SDHC: variants seen among roughly 807,000 people sequenced by gnomAD.
SDHC encodes succinate dehydrogenase cytochrome b560 subunit, mitochondrial.
A neutral mutation model predicts 22.6 loss-of-function variants in SDHC; 11 were observed. That is an observed-to-expected ratio of 0.49 (90% CI 0.31 to 0.81). The LOEUF (loss-of-function observed/expected upper bound fraction) is 0.81, where lower values mean the gene tolerates loss of function less well. Ranked by LOEUF, SDHC falls within the 30% of genes least tolerant of loss-of-function variation. The pLI is 0.05. For synonymous variants in SDHC, 80 were observed against 77.8 expected (o/e 1.03, Z -0.15); for missense variants, 160 against 212.0 (o/e 0.75, Z 1.52).
At chr1:161,362,175 G>A (rs1376130037) in intron 5 of SDHC, among the ~76,000 whole-genome samples, 154 bp from the exon 6 acceptor site, 1 of 152,196 alleles carries the variant, frequency 6.6e-6, no homozygotes, top group East Asian at 1.9e-4. Context: ...GTTTTGAGAA[G>A]GGTAAAGGTG....
intron 1 of SDHC, among the ~76,000 whole-genome samples, chr1:161,318,638 G>A (rs1450842000): frequency 6.6e-6 from 1 of 152,172 alleles, no homozygotes; most frequent in Non-Finnish European, 1.5e-5. Flanking sequence ...CTCAATTTAT[G>A]AAACTGCTTT....
chr1:161,348,360 T>C (rs1176884946), intron 4 of SDHC, among the ~76,000 whole-genome samples: 3 of 151,644 alleles, frequency 2.0e-5, no homozygotes, highest in African/African-American at 4.8e-5. Context: ...GATTTCACCA[T>C]GTTGGCCAGG....
chr1:161,361,842 C>CAAAAAAAAAA (rs35337467), intron 5 of SDHC, among the ~76,000 whole-genome samples: 2 of 54,836 alleles, frequency 3.6e-5, no homozygotes, highest in Non-Finnish European at 6.8e-5. Context: ...GAGTCCGTCT[C>CAAAAAAAAAA]AAAAAAAAAA....
chr1:161,346,247 T>C (rs1436908108), intron 4 of SDHC, among the ~76,000 whole-genome samples: 1 of 152,218 alleles, frequency 6.6e-6, no homozygotes, highest in Non-Finnish European at 1.5e-5. Context: ...TAAATCACTT[T>C]GCTCATAGTG....
At chr1:161,324,792 C>G (rs1167483702) in intron 2 of SDHC, among the ~76,000 whole-genome samples, 2 of 152,084 alleles carry the variant, frequency 1.3e-5, no homozygotes, top group African/African-American at 2.4e-5. Context: ...TTACATAATG[C>G]AGTATAATTA....
At chr1:161,349,708 A>G (rs1672037144) in intron 4 of SDHC, among the ~76,000 whole-genome samples, 1 of 152,184 alleles carries the variant, frequency 6.6e-6, no homozygotes, top group Non-Finnish European at 1.5e-5. Flanking sequence ...CATCTGTTAT[A>G]CTTTAGAAAT....
At chr1:161,345,380 A>T (rs1465624926) in intron 4 of SDHC, among the ~76,000 whole-genome samples, 1 of 152,228 alleles carries the variant, frequency 6.6e-6, no homozygotes, top group Non-Finnish European at 1.5e-5. Flanking sequence ...TCTGTTTTAC[A>T]GTACTCTATT....
chr1:161,349,898 T>A (rs1672044478), intron 4 of SDHC, among the ~76,000 whole-genome samples: 1 of 152,116 alleles, frequency 6.6e-6, no homozygotes, highest in Non-Finnish European at 1.5e-5. Context: ...TAATACCTTT[T>A]TTTTCTCTTT....
intron 3 of SDHC, among the ~76,000 whole-genome samples, chr1:161,331,036 G>C (rs1184147374): frequency 3.3e-5 from 5 of 150,228 alleles, no homozygotes; most frequent in African/African-American, 7.3e-5. Flanking sequence ...TGGGTCTCCT[G>C]CTTGTGTCAT....
At chr1:161,340,529 G>T in intron 3 of SDHC, 65 bp from the exon 4 acceptor site, 1 of 1,401,066 alleles carries the variant, frequency 7.1e-7, no homozygotes, top group Non-Finnish European at 1.0e-6. Context: ...TTTTTGCCAA[G>T]ATAGACTCTC....
chr1:161,351,385 T>G (rs1209540600), intron 4 of SDHC, among the ~76,000 whole-genome samples: 4 of 152,230 alleles, frequency 2.6e-5, no homozygotes, highest in African/African-American at 9.7e-5. Context: ...TACTTTTCAC[T>G]CTGCTACATC....
chr1:161,324,131 G>A (rs1432622252), intron 2 of SDHC, among the ~76,000 whole-genome samples: 1 of 152,176 alleles, frequency 6.6e-6, no homozygotes, highest in Non-Finnish European at 1.5e-5. Context: ...TGGTTTGTGT[G>A]TATGTGTGTT....
intron 5 of SDHC, among the ~76,000 whole-genome samples, chr1:161,359,909 ACT>A (rs1356215284): frequency 6.6e-6 from 1 of 151,672 alleles, no homozygotes; most frequent in East Asian, 1.9e-4. Flanking sequence ...AGTAGGACTC[ACT>A]CTCTATAAAA....
intron 1 of SDHC, among the ~76,000 whole-genome samples, chr1:161,319,671 T>G (rs567779518): frequency 6.6e-6 from 1 of 152,258 alleles, no homozygotes; most frequent in Admixed American, 6.5e-5. Flanking sequence ...TGTCTCAACC[T>G]CCTGACCTCA....
intron 4 of SDHC, among the ~76,000 whole-genome samples, chr1:161,355,676 A>G (rs1438243152): frequency 6.6e-6 from 1 of 152,176 alleles, no homozygotes; most frequent in Non-Finnish European, 1.5e-5. Context: ...AGAGGTAGCA[A>G]CACTAGAAGA....
chr1:161,341,566 T>A (rs75220658), intron 4 of SDHC, among the ~76,000 whole-genome samples: 8,834 of 152,216 alleles, frequency 0.058, 361 homozygotes, highest in African/African-American at 0.12. Flanking sequence ...TACAAGAGGG[T>A]CAGCTAGATT....
intron 3 of SDHC, among the ~76,000 whole-genome samples, chr1:161,339,779 C>T (rs1231302980): frequency 6.9e-6 from 1 of 143,892 alleles, no homozygotes. Flanking sequence ...CTCCTGGGTT[C>T]AAGCAATTTT....
intron 1 of SDHC, among the ~76,000 whole-genome samples, chr1:161,321,159 A>G (rs1338773603): frequency 6.6e-6 from 1 of 152,084 alleles, no homozygotes; most frequent in Admixed American, 6.6e-5. Flanking sequence ...TGTTATTTTT[A>G]CATTACCATT....
intron 2 of SDHC, among the ~76,000 whole-genome samples, chr1:161,326,222 G>T (rs1445916389): frequency 6.6e-6 from 1 of 151,456 alleles, no homozygotes; most frequent in Non-Finnish European, 1.5e-5. Context: ...AAAAAAAGCA[G>T]AGTTATCGTC....
Sources: allele counts gnomAD v4.1 joint callset (sites outside exome capture counted in the v4.1 genomes callset), GRCh38; gene constraint gnomAD v4.1.1; transcripts MANE v1.5; gene names NCBI Gene and HGNC (gene_info 2026-07-23, HGNC 2026-07-21).